The following DNAH11 variants were observed in gnomAD, a reference collection of about 807,000 sequenced individuals.
The protein encoded by DNAH11 is axonemal beta dynein heavy chain 11.
Under a neutral mutation model 526.0 loss-of-function variants are expected in DNAH11, and 442 were observed. That is an observed-to-expected ratio of 0.84 (90% CI 0.78 to 0.91). The LOEUF is 0.91. Among genes scored for constraint, DNAH11 ranks in the 40% least tolerant of loss-of-function variants. DNAH11 has a pLI of 0.00. For missense variants in DNAH11, 6,989 were observed against 5,448.7 expected (o/e 1.28, Z -8.90); for synonymous variants, 2,461 against 1,935.9 (o/e 1.27, Z -7.12).
intron 41 of DNAH11, among the ~76,000 whole-genome samples, chr7:21,711,243 T>A (rs1348149079): frequency 6.6e-6 from 1 of 152,128 alleles, no homozygotes; most frequent in Non-Finnish European, 1.5e-5. Context: ...AAATCAGTAA[T>A]CATCATTACT....
intron 66 of DNAH11, among the ~76,000 whole-genome samples, chr7:21,848,456 A>T (rs1310044954): frequency 2.0e-5 from 3 of 151,844 alleles, no homozygotes; most frequent in Admixed American, 2.0e-4. Context: ...TTGTTGCTAT[A>T]ATTAGATCAA....
rs758448845 is a variant in DNAH11 at position 21,571,848 on chromosome 7, C to T, written c.1468C>T (p.Leu490=). 12 of 1,612,858 alleles carry T rather than the reference C, an allele frequency of 7.4e-6. No individual in the cohort carries two copies. The Admixed American group carries it at 8.3e-5, about 11-fold the overall frequency. The part of the protein sequence containing the change: ...TTLEFEKLER[L]EFGGTKGAIL... The stretch of plus-strand genomic sequence containing the variant: ...TTTGGAATTTGAAAAGCTGGAAAGA[C>T]TGGAATTTGGTGGTACCAAAGGAGC... The change falls in exon 8 of 82, where the codon CTG becomes TTG. Residue 490 remains leucine (L), a synonymous_variant. Transcript: ENST00000409508.
chr7:21,740,991 A>G (rs1470435340), intron 48 of DNAH11, among the ~76,000 whole-genome samples: 5 of 152,066 alleles, frequency 3.3e-5, no homozygotes, highest in African/African-American at 4.8e-5. Context: ...GATGTTTTTT[A>G]TGTGCTTATT....
intron 65 of DNAH11, among the ~76,000 whole-genome samples, chr7:21,839,351 A>G (rs6976023): frequency 0.72 from 110,049 of 151,824 alleles, 40,149 homozygotes; most frequent in African/African-American, 0.76. Flanking sequence ...GAGGGGGGCA[A>G]ATCACGAGGT....
At chr7:21,686,314 T>A (rs1783373035) in intron 32 of DNAH11, among the ~76,000 whole-genome samples, 1 of 152,184 alleles carries the variant, frequency 6.6e-6, no homozygotes, top group African/African-American at 2.4e-5. Flanking sequence ...TAGTCTCTCG[T>A]CTCCTGACCT....
Position 21,866,651 on chromosome 7 carries a change from C to A in DNAH11, c.11678C>A (p.Thr3893Lys), listed in dbSNP as rs763843747. The A allele has an allele frequency of 3.1e-6, 5 of 1,611,522 alleles. No individual in the cohort carries two copies. Among genetic ancestry groups the A allele is most frequent in the Non-Finnish European group, 4.2e-6 (5 of 1,178,806 alleles). ...LLRAMRPDRM[T>K]YALRNFVEEK... ...AGAGCAATGCGCCCTGACAGAATGA[C>A]GTATGCTCTCAGGTGGGGTGGTCAG... Residue 3893 changes from threonine (T) to lysine (K), a missense_variant, in exon 71 of 82, where the codon ACG (threonine) becomes AAG (lysine). Coordinates refer to ENST00000409508, the MANE Select transcript of DNAH11 (RefSeq NM_001277115.2).
chr7:21,563,089 A>G (rs949625245), intron 5 of DNAH11, among the ~76,000 whole-genome samples: 2 of 152,252 alleles, frequency 1.3e-5, no homozygotes, highest in African/African-American at 4.8e-5. Flanking sequence ...CATTTAGGGT[A>G]TATTAAAAGG....
Position 21,807,863 on chromosome 7 carries a change from T to C in DNAH11, c.10166-20T>C. 6.3e-7 allele frequency: 1 copy of C among 1,579,160 alleles called. No individual in the cohort carries two copies. ...CATTCAGCCTGCAATTACAGCTGAGTAATTTCATCTTTCAGTCAGAGAAGA... is the reference window on the plus strand; with the variant it reads ...CATTCAGCCTGCAATTACAGCTGAGCAATTTCATCTTTCAGTCAGAGAAGA... On this transcript the variant is annotated intron_variant, in intron 62 of 81. Transcript: ENST00000409508.
At position 21,561,114 on chromosome 7, in the gene DNAH11, C is replaced by A; in HGVS notation, c.926C>A (p.Thr309Asn). Residue 309 changes from threonine to asparagine, a missense_variant, in exon 5 of 82, where the codon ACT becomes AAT. Coordinates refer to ENST00000409508, the MANE Select transcript of DNAH11 (RefSeq NM_001277115.2). ...CTCAAAATGGTTAAGATCCTGACAACTAAACAAAGCAGCTATTTTCCTACT... is the reference window on the plus strand; with the variant it reads ...CTCAAAATGGTTAAGATCCTGACAAATAAACAAAGCAGCTATTTTCCTACT... ...VVLKMVKILT[T>N]KQSSYFPTLK... 2 of 1,605,230 alleles carry A rather than the reference C, an allele frequency of 1.2e-6. No individual in the cohort carries two copies. The highest frequency in any genetic ancestry group is 2.7e-5 in the African/African-American group (2 of 74,910).
In DNAH11 at chr7:21,543,447, A is replaced by G. The variant is rs573879149; in HGVS notation, c.202A>G (p.Met68Val). The change falls in exon 1 of 82, where the codon ATG becomes GTG. Residue 68 changes from methionine to valine, a missense_variant. By Grantham distance (21) the Met-to-Val change is conservative. Transcript: ENST00000409508. ...RVRFLGGRLA[M>V]MLGFTEEKWS... is the part of the protein sequence containing the mutation. The stretch of plus-strand genomic sequence containing the variant: ...GCGCTTCCTCGGCGGCCGCCTGGCG[A>G]TGATGCTGGGGTTCACGGAGGAGAA... The G allele has an allele frequency of 1.9e-6, 3 of 1,567,534 alleles. No individual in the cohort carries two copies. The Admixed American group carries it at 5.7e-5, about 30-fold the overall frequency.
intron 8 of DNAH11, among the ~76,000 whole-genome samples, chr7:21,579,922 A>G (rs955343080): frequency 6.6e-6 from 1 of 152,210 alleles, no homozygotes; most frequent in Admixed American, 6.5e-5. Context: ...GAGATGGAGG[A>G]TAGTAGAGAG....
intron 52 of DNAH11, among the ~76,000 whole-genome samples, chr7:21,748,985 A>G (rs567289475): frequency 1.3e-5 from 2 of 152,314 alleles, no homozygotes; most frequent in South Asian, 4.1e-4. Context: ...TGGCTCAGAA[A>G]ATATTTACTT....
intron 51 of DNAH11, among the ~76,000 whole-genome samples, chr7:21,746,458 C>T (rs953603656): frequency 6.6e-6 from 1 of 151,592 alleles, no homozygotes; most frequent in Non-Finnish European, 1.5e-5. Context: ...TTTTAATGAG[C>T]TGGGTGTGGT....
At chr7:21,652,788 G>A (rs868252003) in intron 28 of DNAH11, among the ~76,000 whole-genome samples, 1 of 152,076 alleles carries the variant, frequency 6.6e-6, no homozygotes, top group African/African-American at 2.4e-5. Flanking sequence ...TGAGTTATTG[G>A]TTCTTTTTAA....
chr7:21,852,028 G>T (rs1782659210), intron 66 of DNAH11, among the ~76,000 whole-genome samples: 1 of 152,084 alleles, frequency 6.6e-6, no homozygotes, highest in Non-Finnish European at 1.5e-5. Flanking sequence ...TCTAAAAATT[G>T]TGATTGGTAT....
chr7:21,774,490 G>C (rs1273219276), intron 56 of DNAH11, among the ~76,000 whole-genome samples: 1 of 152,086 alleles, frequency 6.6e-6, no homozygotes, highest in Non-Finnish European at 1.5e-5. Flanking sequence ...TGAGGCCCCT[G>C]CTCCCTCGAA....
In DNAH11 at chr7:21,623,027, A is replaced by G. The variant is rs1208621677; in HGVS notation, c.4500+2949A>G. Among the ~76,000 whole-genome samples the G allele has an allele frequency of 2.0e-5, 3 of 152,108 alleles. 1 individual carries two copies. The highest frequency in any genetic ancestry group is 7.2e-5 in the African/African-American group (3 of 41,450). ...AAAAGAAACTACCATCAGAGTGAAC[A>G]GGCAACCTACAAAATGGGAGAAAAT... On this transcript the variant is annotated intron_variant, in intron 25 of 81. Transcript: ENST00000409508.
chr7:21,578,424 A>G (rs1305418583), intron 8 of DNAH11, among the ~76,000 whole-genome samples: 1 of 152,200 alleles, frequency 6.6e-6, no homozygotes, highest in African/African-American at 2.4e-5. Flanking sequence ...GTGGGCTTCC[A>G]AGGCCTTAGG....
At chr7:21,579,577 A>T (rs1253446977) in intron 8 of DNAH11, among the ~76,000 whole-genome samples, 1 of 152,176 alleles carries the variant, frequency 6.6e-6, no homozygotes, top group Non-Finnish European at 1.5e-5. Context: ...GAATGTGATA[A>T]GGCTTTGTGG....
Sources: gnomAD v4.1 joint callset for allele counts (sites outside exome capture counted in the v4.1 genomes callset) on GRCh38, gnomAD v4.1.1 for gene constraint, MANE v1.5 for transcripts, NCBI Gene and HGNC (gene_info 2026-07-23, HGNC 2026-07-21) for gene names.